The following TRPV1 variants were observed in gnomAD, a reference collection of about 807,000 sequenced individuals.
TRPV1 encodes the protein transient receptor potential cation channel subfamily V member 1.
In TRPV1, 82 loss-of-function variants were observed where a neutral mutation model predicts 82.3. The observed-to-expected ratio is 1.00, with a 90% CI of 0.83 to 1.20. The LOEUF is 1.20. Ranked by LOEUF, TRPV1 falls within the 50% of genes most tolerant of loss-of-function variation. The pLI is 0.00. For missense variants in TRPV1, 1,067 were observed against 1,096.8 expected (o/e 0.97, Z 0.38); for synonymous variants, 515 against 467.7 (o/e 1.10, Z -1.30).
intron 7 of TRPV1, chr17:3,588,978 G>A (rs1356967190): frequency 4.6e-6 from 7 of 1,534,896 alleles, no homozygotes; most frequent in Non-Finnish European, 6.1e-6. Flanking sequence ...AAGCCAGAAA[G>A]AAAGAAAGAG....
At chr17:3,594,881 G>A (rs918798815) in intron 2 of TRPV1, among the ~76,000 whole-genome samples, 1 of 152,186 alleles carries the variant, frequency 6.6e-6, no homozygotes, top group Non-Finnish European at 1.5e-5. Context: ...AGGTGGGCTA[G>A]GGTCTGGAGA....
intron 16 of TRPV1, among the ~76,000 whole-genome samples, chr17:3,570,776 C>T (rs576397065): frequency 2.3e-4 from 35 of 152,122 alleles, no homozygotes; most frequent in African/African-American, 8.2e-4. Context: ...TGTAGTGGTG[C>T]GATCTCGGCT....
chr17:3,580,453 T>C lies in TRPV1; in HGVS notation c.1547+4A>G. 2 of 1,613,998 alleles carry C rather than the reference T, an allele frequency of 1.2e-6. No homozygotes were observed. Among genetic ancestry groups the C allele is most frequent in the Non-Finnish European group, 1.7e-6 (2 of 1,179,892 alleles). On this transcript the variant is annotated splice_donor_region_variant and intron_variant, in intron 11 of 16. Coordinates refer to ENST00000572705, the MANE Select transcript of TRPV1 (RefSeq NM_080704.4). ...GACTGGGAATGAGTCAAAGTGTCAC[T>C]TACAAAAGCATCTCACTGTAGCTGT... is the stretch of plus-strand genomic sequence containing the variant.
Position 3,577,127 on chromosome 17 carries a change from TG to T in TRPV1, c.1778del (p.Thr593LysfsTer4). 1.3e-6 allele frequency: 2 copies of T among 1,583,494 alleles called. No individual in the cohort carries two copies. Among genetic ancestry groups the T allele is most frequent in the Non-Finnish European group, 1.7e-6 (2 of 1,165,218 alleles). ...VYIVFLFGFS[T>X]AVVTLIEDGK... The stretch of plus-strand genomic sequence containing the variant: ...CCCAGCGCTGACCAAGCTCATTACC[TG>T]TGGAAAACCCGAACAAGAAGACGAT... On this transcript the variant is annotated frameshift_variant and splice_region_variant, in exon 13 of 17. Coordinates refer to ENST00000572705, the MANE Select transcript of TRPV1 (RefSeq NM_080704.4). LOFTEE classifies it high-confidence loss of function.
chr17:3,594,395 T>C (rs1400049274), intron 2 of TRPV1, among the ~76,000 whole-genome samples: 2 of 150,856 alleles, frequency 1.3e-5, no homozygotes, highest in African/African-American at 4.9e-5. Context: ...GACTCCCAAG[T>C]CCTACATTTT....
At chr17:3,578,392 G>T (rs991699585) in intron 11 of TRPV1, among the ~76,000 whole-genome samples, 1 of 152,120 alleles carries the variant, frequency 6.6e-6, no homozygotes, top group African/African-American at 2.4e-5. Context: ...AGGCGTGATG[G>T]CTCACACCTG....
intron 2 of TRPV1, among the ~76,000 whole-genome samples, chr17:3,606,321 A>G (rs1478559746): frequency 1.3e-5 from 2 of 152,182 alleles, no homozygotes; most frequent in Non-Finnish European, 2.9e-5. Flanking sequence ...TCTACACCAC[A>G]CTGTCCTCAC....
In TRPV1 at chr17:3,591,211, G is replaced by A. The variant is rs1266681080; in HGVS notation, c.427C>T (p.His143Tyr). 1 of 1,611,648 alleles carries A rather than the reference G, an allele frequency of 6.2e-7. No individual in the cohort carries two copies. Residue 143 changes from histidine (H) to tyrosine (Y), a missense_variant, in exon 4 of 17, where the codon CAC becomes TAC. Physicochemically the swap from His to Tyr is moderately conservative, Grantham distance 83. Coordinates refer to ENST00000572705, the MANE Select transcript of TRPV1 (RefSeq NM_080704.4). ...CCTTTGAACTCGTTGTCTGTGAGGT[G>A]CTTCTTGCTCTTCTGCAGGAAGAGC... ...LLLFLQKSKK[H>Y]LTDNEFKDPE...
chr17:3,583,515 C>T (rs2075047334), intron 9 of TRPV1, 85 bp from the exon 10 acceptor site: 1 of 1,148,804 alleles, frequency 8.7e-7, no homozygotes, highest in Admixed American at 2.1e-5. Flanking sequence ...GCCATAGTCC[C>T]TGCCCAGGAG....
intron 9 of TRPV1, chr17:3,585,446 C>T (rs114954707): frequency 0.024 from 6,358 of 270,154 alleles, 347 homozygotes; most frequent in African/African-American, 0.12. Context: ...CCACCATGCC[C>T]GGCCCCTGCA....
At chr17:3,580,258 C>T (rs897941480) in intron 11 of TRPV1, among the ~76,000 whole-genome samples, 199 bp downstream of exon 11, 4 of 152,192 alleles carry the variant, frequency 2.6e-5, no homozygotes, top group South Asian at 2.1e-4. Context: ...GGCAGTTTCT[C>T]GATCCCTGGC....
rs534047036 is a variant in TRPV1, at chr17:3,581,956, C to T, written c.1476+1382G>A. 1.5e-3 allele frequency among the ~76,000 whole-genome samples: 214 copies of T among 146,724 alleles called. 1 individual carries two copies. Among genetic ancestry groups the T allele is most frequent in the Non-Finnish European group, 2.1e-3 (143 of 66,996 alleles). On this transcript the variant is annotated intron_variant, in intron 10 of 16. Transcript: ENST00000572705. ...CTGTAATCCCAGCACTTTGGGAGGC[C>T]AAGGTGGGCGGATCACGAGGTCAGG... is the stretch of plus-strand genomic sequence containing the variant.
intron 3 of TRPV1, 54 bp from the exon 4 acceptor site, chr17:3,591,407 G>A: frequency 6.6e-7 from 1 of 1,517,518 alleles, no homozygotes; most frequent in Non-Finnish European, 8.8e-7. Context: ...TCGGCCCTGA[G>A]GCCTTCGGAG....
At chr17:3,575,725 C>T (rs745866652) in intron 13 of TRPV1, among the ~76,000 whole-genome samples, 1 of 152,110 alleles carries the variant, frequency 6.6e-6, no homozygotes, top group Admixed American at 6.6e-5. Context: ...AGAAGTGAGA[C>T]GGACATCATG....
chr17:3,573,548 C>CCCCCCCCCCCCCCCCCCCCCCCACA, intron 14 of TRPV1, 85 bp downstream of exon 14: 1 of 411,100 alleles, frequency 2.4e-6, no homozygotes, highest in South Asian at 1.0e-4. Context: ...ACCACCCACC[C>CCCCCCCCCCCCCCCCCCCCCCCACA]ACCTGCAGCC....
chr17:3,584,402 C>CAAGAAAAAAAAAAA (rs2075057678), intron 9 of TRPV1, among the ~76,000 whole-genome samples: 52 of 16,770 alleles, frequency 3.1e-3, no homozygotes, highest in African/African-American at 0.012. Flanking sequence ...GACTCTGTCT[C>CAAGAAAAAAAAAAA]AAAAAAAAAA....
chr17:3,595,249 T>C (rs1597550218), intron 2 of TRPV1, among the ~76,000 whole-genome samples: 2 of 152,156 alleles, frequency 1.3e-5, no homozygotes, highest in East Asian at 3.9e-4. Context: ...AAGAGGGAAA[T>C]ACTTCACCGA....
chr17:3,576,894 AT>A (rs1370555703), intron 13 of TRPV1, among the ~76,000 whole-genome samples: 2 of 151,442 alleles, frequency 1.3e-5, no homozygotes, highest in Non-Finnish European at 1.5e-5. Flanking sequence ...CTGAGCCAAA[AT>A]GCTATGTGGC....
At position 3,600,112 on chromosome 17, in the gene TRPV1, G is replaced by A. The variant is rs192972523; in HGVS notation, c.-33-7729C>T. On this transcript the variant is annotated intron_variant, in intron 2 of 16. Coordinates refer to ENST00000572705, the MANE Select transcript of TRPV1 (RefSeq NM_080704.4). ...CTTTCCATTCTTTTGGGCACATATA[G>A]ACCCAGAAGTGGGATCTGTCATATA... Among the ~76,000 whole-genome samples, 97 of 152,262 alleles carry A rather than the reference G, an allele frequency of 6.4e-4. 1 individual carries two copies. The highest frequency in any genetic ancestry group is 5.4e-3 in the Admixed American group (82 of 15,280).
Sources: allele counts gnomAD v4.1 joint callset (sites outside exome capture counted in the v4.1 genomes callset), GRCh38; gene constraint gnomAD v4.1.1; transcripts MANE v1.5; gene names NCBI Gene and HGNC (gene_info 2026-07-23, HGNC 2026-07-21).